The following ARHGEF10L variants were observed in gnomAD, a reference collection of about 807,000 sequenced individuals.
ARHGEF10L encodes the protein rho guanine nucleotide exchange factor 10-like protein.
In ARHGEF10L, 69 loss-of-function variants were observed where a neutral mutation model predicts 141.2. The observed-to-expected ratio is 0.49, with a 90% confidence interval of 0.40 to 0.60. The LOEUF is 0.60. Ranked by LOEUF, ARHGEF10L falls within the 20% of genes least tolerant of loss-of-function variation. ARHGEF10L has a pLI of 0.00. For synonymous variants in ARHGEF10L, 711 were observed against 718.5 expected (o/e 0.99, Z 0.17); for missense variants, 1,482 against 1,734.3 (o/e 0.85, Z 2.58).
At chr1:17,689,919 A>C (rs1290088431) in intron 27 of ARHGEF10L, 1 of 450,866 alleles carries the variant, frequency 2.2e-6, no homozygotes, top group Non-Finnish European at 4.4e-6. Context: ...TCCTGCCTGT[A>C]CAACCCTGAC....
At chr1:17,561,556 C>T (rs538660941) in intron 1 of ARHGEF10L, among the ~76,000 whole-genome samples, 8 of 152,318 alleles carry the variant, frequency 5.3e-5, no homozygotes, top group South Asian at 2.1e-4. Flanking sequence ...ACTTGCCCAG[C>T]GTCGATGGGC....
At chr1:17,587,688 G>A (rs758628708) in intron 3 of ARHGEF10L, 43 bp downstream of exon 3, 2 of 1,563,580 alleles carry the variant, frequency 1.3e-6, no homozygotes, top group South Asian at 2.4e-5. Flanking sequence ...GCTACAGGGA[G>A]CATGGAGAAC....
chr1:17,585,439 C>T (rs957438118), intron 2 of ARHGEF10L, among the ~76,000 whole-genome samples: 1 of 152,164 alleles, frequency 6.6e-6, no homozygotes, highest in African/African-American at 2.4e-5. Flanking sequence ...CTTCATGACA[C>T]CTGGGGAAGG....
At chr1:17,548,796 G>A (rs572318780) in intron 1 of ARHGEF10L, among the ~76,000 whole-genome samples, 101 of 143,586 alleles carry the variant, frequency 7.0e-4, no homozygotes, top group African/African-American at 2.5e-3. Context: ...TTACAGGTGC[G>A]CACCACCACA....
At chr1:17,535,866 G>A (rs1181002230), upstream of ARHGEF10L, among the ~76,000 whole-genome samples, 1 of 152,176 alleles carries the variant, frequency 6.6e-6, no homozygotes, top group African/African-American at 2.4e-5. Context: ...TCTGGAGCAG[G>A]TGCTGGGGAT....
intron 27 of ARHGEF10L, among the ~76,000 whole-genome samples, chr1:17,692,631 G>C (rs1326131823): frequency 1.3e-5 from 2 of 152,204 alleles, no homozygotes; most frequent in African/African-American, 4.8e-5. Context: ...CACCTGGGCA[G>C]CTGCGGGAGC....
chr1:17,587,669 G>A lies in ARHGEF10L; in HGVS notation c.223+24G>A, dbSNP rs371680369. 30 of 1,591,966 alleles carry A rather than the reference G, an allele frequency of 1.9e-5. No individual in the cohort carries two copies. In the South Asian group the frequency reaches 2.3e-4, roughly 12 times the overall value. On this transcript the variant is annotated intron_variant, in intron 3 of 28. Transcript: ENST00000361221. Reference sequence around the variant, plus strand: ...TGGTAAGATGTTTCTGGGAACTTCCGGTCCTGGGGCTACAGGGAGCATGGA... The same window carrying A: ...TGGTAAGATGTTTCTGGGAACTTCCAGTCCTGGGGCTACAGGGAGCATGGA...
intron 1 of ARHGEF10L, among the ~76,000 whole-genome samples, chr1:17,563,071 G>A (rs2077606605): frequency 6.6e-6 from 1 of 152,110 alleles, no homozygotes; most frequent in Non-Finnish European, 1.5e-5. Context: ...GGCAGATTTA[G>A]ACTCTTCTCC....
intron 1 of ARHGEF10L, among the ~76,000 whole-genome samples, chr1:17,561,269 T>TC (rs149735551): frequency 6.6e-6 from 1 of 151,502 alleles, no homozygotes; most frequent in African/African-American, 2.4e-5. Flanking sequence ...GCCCTGCACC[T>TC]CCCCCCCGCC....
At chr1:17,529,064 C>T in the ARHGEF10L span, among the ~76,000 whole-genome samples, 6 of 152,154 alleles carry the variant, frequency 3.9e-5, no homozygotes, top group African/African-American at 9.6e-5. Flanking sequence ...AGTACAGTGG[C>T]GTGATCTTGG....
At chr1:17,590,746 G>A (rs1404505766) in intron 4 of ARHGEF10L, among the ~76,000 whole-genome samples, 4 of 152,152 alleles carry the variant, frequency 2.6e-5, no homozygotes. Context: ...CAGCACTTTG[G>A]GAAGTCAAGG....
chr1:17,524,043 G>A, the ARHGEF10L span, among the ~76,000 whole-genome samples: 1 of 152,178 alleles, frequency 6.6e-6, no homozygotes, highest in African/African-American at 2.4e-5. Flanking sequence ...GGAGGCTGAG[G>A]CAGGTGGATC....
At chr1:17,679,018 G>A (rs2063907220) in intron 26 of ARHGEF10L, among the ~76,000 whole-genome samples, 1 of 152,176 alleles carries the variant, frequency 6.6e-6, no homozygotes, top group Non-Finnish European at 1.5e-5. Flanking sequence ...ATTCCAAAAT[G>A]GATTGTTAAA....
At chr1:17,568,597 CG>C (rs2077859922) in intron 1 of ARHGEF10L, among the ~76,000 whole-genome samples, 1 of 152,112 alleles carries the variant, frequency 6.6e-6, no homozygotes, top group Admixed American at 6.5e-5. Flanking sequence ...TGCAGGATGT[CG>C]GGGGGTGCTT....
intron 25 of ARHGEF10L, among the ~76,000 whole-genome samples, chr1:17,657,262 G>A (rs1269624674): frequency 6.6e-6 from 1 of 152,216 alleles, no homozygotes; most frequent in East Asian, 1.9e-4. Flanking sequence ...TTGGACTGCT[G>A]TGCTCCAGGG....
the ARHGEF10L span, among the ~76,000 whole-genome samples, chr1:17,526,623 G>A: frequency 6.6e-6 from 1 of 152,190 alleles, no homozygotes; most frequent in African/African-American, 2.4e-5. Flanking sequence ...GACAAGGCTG[G>A]CCGGGCACAG....
chr1:17,696,398 A>C (rs1248724679), intron 28 of ARHGEF10L, among the ~76,000 whole-genome samples: 2 of 152,124 alleles, frequency 1.3e-5, no homozygotes, highest in African/African-American at 2.4e-5. Context: ...CCTGGGGGTC[A>C]TCATAGCTCG....
Position 17,573,104 on chromosome 1 carries a change from C to G in ARHGEF10L, c.-43-7449C>G, listed in dbSNP as rs1485965099. Among the ~76,000 whole-genome samples, 2 of 152,212 alleles carry G rather than the reference C, an allele frequency of 1.3e-5. No individual in the cohort carries two copies. The highest frequency in any genetic ancestry group is 2.9e-5 in the Non-Finnish European group (2 of 68,036). ...GGGTTGCAGGGACGCACATGGACCT[C>G]CCTTTCCCTGCCTGCCTCATCCTCC... On this transcript the variant is annotated intron_variant, in intron 1 of 28. Coordinates refer to ENST00000361221, the MANE Select transcript of ARHGEF10L (RefSeq NM_018125.4). The surrounding 1 kb of genome is among the most constrained non-coding windows in gnomAD (Gnocchi z 4.8).
intron 22 of ARHGEF10L, among the ~76,000 whole-genome samples, chr1:17,653,428 G>A (rs2062046590): frequency 6.6e-6 from 1 of 152,206 alleles, no homozygotes; most frequent in Admixed American, 6.5e-5. Flanking sequence ...TGACTCAGCT[G>A]ACATCAGGGC....
Sources: allele counts gnomAD v4.1 joint callset (sites outside exome capture counted in the v4.1 genomes callset), GRCh38; gene constraint gnomAD v4.1.1; non-coding constraint Gnocchi (gnomAD v3.1); transcripts MANE v1.5; gene names NCBI Gene and HGNC (gene_info 2026-07-23, HGNC 2026-07-21).